The following PRR11 variants were observed in gnomAD, a reference collection of about 807,000 sequenced individuals.
The protein encoded by PRR11 is proline-rich protein 11.
In PRR11, 30 loss-of-function variants were observed where a neutral mutation model predicts 45.6. That is an observed-to-expected ratio of 0.66 (90% confidence interval 0.49 to 0.89). The LOEUF is 0.89. Ranked by LOEUF, PRR11 falls within the 40% of genes least tolerant of loss-of-function variation. PRR11 has a pLI of 0.00. For synonymous variants in PRR11, 128 were observed against 153.5 expected (o/e 0.83, Z 1.23); for missense variants, 373 against 424.8 (o/e 0.88, Z 1.07).
intron 2 of PRR11, chr17:59,178,455 C>T (rs914621389): frequency 9.8e-6 from 5 of 509,162 alleles, no homozygotes; most frequent in African/African-American, 5.8e-5. Flanking sequence ...AACACGGTTC[C>T]GTGGAGAACA....
intron 7 of PRR11, 79 bp downstream of exon 7, chr17:59,195,522 A>G (rs72830762): frequency 2.2e-4 from 206 of 937,398 alleles, no homozygotes; most frequent in Non-Finnish European, 3.1e-4. Context: ...AGAAAAGGAA[A>G]AAAAGATTTT....
chr17:59,169,761 G>C lies in PRR11; in HGVS notation c.9G>C (p.Lys3Asn), dbSNP rs377269018. 111 of 1,590,122 alleles carry C rather than the reference G, an allele frequency of 7.0e-5. No homozygotes were observed. The highest frequency in any genetic ancestry group is 9.2e-5 in the Non-Finnish European group (108 of 1,173,784). MPKFKQRRRKLKA... is the reference protein window; with the variant it reads MPNFKQRRRKLKA... Reference sequence around the variant, plus strand: ...ATTTCTCTGCAGAAATCATGCCCAAGTTCAAACAACGAAGACGAAAGCTAA... The same window carrying C: ...ATTTCTCTGCAGAAATCATGCCCAACTTCAAACAACGAAGACGAAAGCTAA... Residue 3 changes from lysine to asparagine, a missense_variant, in exon 2 of 10, where the codon AAG becomes AAC. Coordinates refer to ENST00000262293, the MANE Select transcript of PRR11 (RefSeq NM_018304.4).
intron 2 of PRR11, among the ~76,000 whole-genome samples, chr17:59,173,649 C>T (rs1387871472): frequency 2.0e-5 from 3 of 152,200 alleles, no homozygotes; most frequent in African/African-American, 7.2e-5. Flanking sequence ...AAACTCCGGA[C>T]ACGCCACCTT....
At position 59,180,667 on chromosome 17, in the gene PRR11, G is replaced by A. The variant is rs528811340; in HGVS notation, c.129-4387G>A. Among the ~76,000 whole-genome samples, 11 of 150,440 alleles carry A rather than the reference G, an allele frequency of 7.3e-5. No homozygotes were observed. In the South Asian group the frequency reaches 1.9e-3, roughly 26 times the overall value. On this transcript the variant is annotated intron_variant, in intron 2 of 9. Coordinates refer to ENST00000262293, the MANE Select transcript of PRR11 (RefSeq NM_018304.4). Reference sequence around the variant, plus strand: ...AATACAGGCGTGCGCCACCACACCCGGCTAAGTTTTGTATTTTTAGTATTG... The same window carrying A: ...AATACAGGCGTGCGCCACCACACCCAGCTAAGTTTTGTATTTTTAGTATTG...
chr17:59,182,038 T>TG (rs1382958223), intron 2 of PRR11, among the ~76,000 whole-genome samples: 7 of 151,524 alleles, frequency 4.6e-5, no homozygotes, highest in Admixed American at 2.6e-4. Flanking sequence ...TTTTTTTTTT[T>TG]TTGTTTCGAG....
Position 59,171,931 on chromosome 17 carries a change from T to C in PRR11, c.128+2051T>C, listed in dbSNP as rs1196005593. Among the ~76,000 whole-genome samples, 5 of 152,166 alleles carry C rather than the reference T, an allele frequency of 3.3e-5. No homozygotes were observed. In the East Asian group the frequency reaches 9.6e-4, roughly 29 times the overall value. On this transcript the variant is annotated intron_variant, in intron 2 of 9. Coordinates refer to ENST00000262293, the MANE Select transcript of PRR11 (RefSeq NM_018304.4). ...GATTTAGGATAAAAAGGATTCTCTG[T>C]TGAAATGAAAATTATCTTTATATAT...
Position 59,204,893 on chromosome 17 carries a change from T to G in PRR11, c.*3262T>G, listed in dbSNP as rs150648565. On this transcript the variant is annotated 3_prime_UTR_variant, in exon 10 of 10. Coordinates refer to ENST00000262293, the MANE Select transcript of PRR11 (RefSeq NM_018304.4). ...AAAACGAAAAATTAGCCGGGAGCGG[T>G]GATGTGTGCCTGTAGTCCCAGCTAC... 0.014 allele frequency among the ~76,000 whole-genome samples: 2,075 copies of G among 151,992 alleles called. 77 individuals are homozygous for G. The highest frequency in any genetic ancestry group is 0.083 in the East Asian group (426 of 5,154).
rs2046892337 is a variant in PRR11, at chr17:59,201,546, AC to A, written c.1015-16del. 5 of 1,559,012 alleles carry A rather than the reference AC, an allele frequency of 3.2e-6. No individual in the cohort carries two copies. Among genetic ancestry groups the A allele is most frequent in the Non-Finnish European group, 4.4e-6 (5 of 1,136,002 alleles). ...GAATATAATTGATATTATAATTGGG[AC>A]TTTTTTTTTTTATAGCTGGCTCACC... On this transcript the variant is annotated splice_polypyrimidine_tract_variant and intron_variant, in intron 9 of 9. Coordinates refer to ENST00000262293, the MANE Select transcript of PRR11 (RefSeq NM_018304.4).
At chr17:59,169,368 G>A (rs1171638669) in intron 1 of PRR11, among the ~76,000 whole-genome samples, 1 of 152,058 alleles carries the variant, frequency 6.6e-6, no homozygotes, top group East Asian at 1.9e-4. Flanking sequence ...AAAGTGCTGA[G>A]ATTACAGGCA....
chr17:59,159,371 T>A (rs1038540708), intron 1 of PRR11, among the ~76,000 whole-genome samples: 1 of 152,260 alleles, frequency 6.6e-6, no homozygotes, highest in Non-Finnish European at 1.5e-5. Flanking sequence ...ATTTCTCTAG[T>A]GTCTTTCCCC....
intron 2 of PRR11, among the ~76,000 whole-genome samples, chr17:59,174,668 T>G (rs892518741): frequency 2.0e-5 from 3 of 152,102 alleles, no homozygotes; most frequent in African/African-American, 7.2e-5. Flanking sequence ...ATCAAGCAAT[T>G]GGGTTCCTCG....
chr17:59,198,547 G>A (rs972711744), intron 9 of PRR11, among the ~76,000 whole-genome samples: 11 of 152,146 alleles, frequency 7.2e-5, no homozygotes, highest in Admixed American at 2.6e-4. Context: ...GGTGGCGGAT[G>A]CCTGTAGTCC....
intron 2 of PRR11, among the ~76,000 whole-genome samples, chr17:59,183,789 T>C (rs1474459754): frequency 1.3e-5 from 2 of 152,126 alleles, no homozygotes; most frequent in African/African-American, 4.8e-5. Flanking sequence ...ATATCGCATG[T>C]ACAAAAAGAC....
intron 2 of PRR11, among the ~76,000 whole-genome samples, chr17:59,172,603 C>T (rs2046715686): frequency 6.6e-6 from 1 of 152,228 alleles, no homozygotes; most frequent in African/African-American, 2.4e-5. Flanking sequence ...GGTTTGGCGG[C>T]CCCCACACTC....
At chr17:59,161,409 T>G (rs1388465838) in intron 1 of PRR11, among the ~76,000 whole-genome samples, 1 of 69,590 alleles carries the variant, frequency 1.4e-5, no homozygotes, top group African/African-American at 6.2e-5. Flanking sequence ...AGACTCCGTC[T>G]CAAAAAAAAA....
chr17:59,179,967 T>C, intron 2 of PRR11: 3 of 1,197,860 alleles, frequency 2.5e-6, no homozygotes, highest in South Asian at 2.4e-5. Context: ...CTCTCCATCC[T>C]CCCCAGCCTC....
At position 59,203,464 on chromosome 17, in the gene PRR11, A is replaced by T. The variant is rs2046902369; in HGVS notation, c.*1833A>T. ...GGTCTTGAACTCCTCACCTCAGGTG[A>T]TCCACCCATCTCAGCCTCCCAAAGT... On this transcript the variant is annotated 3_prime_UTR_variant, in exon 10 of 10. Transcript: ENST00000262293. 6.6e-6 allele frequency: 1 copy of T among 152,134 alleles called. No individual in the cohort carries two copies. Among genetic ancestry groups the T allele is most frequent in the African/African-American group, 2.4e-5 (1 of 41,424 alleles). The allele number at this position is 152,134 out of a possible 1,614,324, so 9.4% of individuals were successfully genotyped here. A position where few individuals can be genotyped will look rare whatever the true frequency, so the allele number is the denominator to read the frequency against.
At chr17:59,184,307 C>A (rs1396639958) in intron 2 of PRR11, among the ~76,000 whole-genome samples, 1 of 151,902 alleles carries the variant, frequency 6.6e-6, no homozygotes, top group East Asian at 1.9e-4. Flanking sequence ...ACTAAAAATA[C>A]AAAAAATTAG....
At chr17:59,181,076 A>C (rs1448786623) in intron 2 of PRR11, among the ~76,000 whole-genome samples, 2 of 149,592 alleles carry the variant, frequency 1.3e-5, no homozygotes, top group East Asian at 4.0e-4. Context: ...TGCAAGCAAC[A>C]CCTCCGGGGT....
Sources: gnomAD v4.1 joint callset for allele counts (sites outside exome capture counted in the v4.1 genomes callset) on GRCh38, gnomAD v4.1.1 for gene constraint, MANE v1.5 for transcripts, NCBI Gene and HGNC (gene_info 2026-07-23, HGNC 2026-07-21) for gene names.